SLC26A7: variants seen among roughly 807,000 people sequenced by gnomAD.
SLC26A7 encodes the protein solute carrier family 26 member 7, also known as anion exchange transporter.
Under a neutral mutation model 82.5 loss-of-function variants are expected in SLC26A7, and 59 were observed. The ratio of observed to expected loss-of-function variants is 0.72; its 90% CI spans 0.58 to 0.89. SLC26A7 has a LOEUF of 0.89. Among genes scored for constraint, SLC26A7 ranks in the 40% least tolerant of loss-of-function variants. SLC26A7 has a pLI of 0.00. For synonymous variants in SLC26A7, 271 were observed against 274.3 expected (o/e 0.99, Z 0.12); for missense variants, 820 against 793.0 (o/e 1.03, Z -0.41).
In SLC26A7 at chr8:91,366,735, A is replaced by T; in HGVS notation, c.1626+18A>T. On this transcript the variant is annotated intron_variant, in intron 14 of 18. Transcript: ENST00000276609. Reference sequence around the variant, plus strand: ...TCAGCAAGGTAGGATCAATGGTTTGATTAGAATGTCATACTACATGTAGCC... The same window carrying T: ...TCAGCAAGGTAGGATCAATGGTTTGTTTAGAATGTCATACTACATGTAGCC... 6.2e-7 allele frequency: 1 copy of T among 1,603,416 alleles called. No individual in the cohort carries two copies. The highest frequency in any genetic ancestry group is 1.1e-5 in the South Asian group (1 of 89,396).
At chr8:91,218,380 A>G (rs548952904) in intron 1 of SLC26A7, among the ~76,000 whole-genome samples, 1 of 54,460 alleles carries the variant, frequency 1.8e-5, no homozygotes, top group African/African-American at 1.1e-4. Context: ...CAAAAATTTA[A>G]TTCATGTATT....
intron 2 of SLC26A7, among the ~76,000 whole-genome samples, chr8:91,259,278 G>A (rs1810894766): frequency 6.6e-6 from 1 of 151,950 alleles, no homozygotes; most frequent in Non-Finnish European, 1.5e-5. Flanking sequence ...CCCTTTATAT[G>A]GACATGGACT....
At chr8:91,341,777 C>A (rs1363716577) in intron 8 of SLC26A7, among the ~76,000 whole-genome samples, 2 of 152,126 alleles carry the variant, frequency 1.3e-5, no homozygotes, top group Non-Finnish European at 2.9e-5. Context: ...GTCTCATACC[C>A]TTTTATACTC....
intron 11 of SLC26A7, among the ~76,000 whole-genome samples, chr8:91,360,889 T>C (rs1336424225): frequency 1.3e-5 from 2 of 152,116 alleles, no homozygotes; most frequent in Non-Finnish European, 2.9e-5. Flanking sequence ...CAGCCTTGTT[T>C]TGTATATGAT....
chr8:91,397,861 A>G lies in SLC26A7; in HGVS notation c.*2764A>G, dbSNP rs76417705. The G allele has an allele frequency of 0.046, 7,001 of 152,610 alleles. 181 individuals carry two copies. The highest frequency in any genetic ancestry group is 0.076 in the African/African-American group (3,139 of 41,556). 9.5% of individuals were successfully genotyped at this position (152,610 alleles called of 1,614,324 possible). On this transcript the variant is annotated 3_prime_UTR_variant, in exon 19 of 19. Transcript: ENST00000276609. ...AAAATATATTAGTATATTGTTGAACATACATTATGCCTTAGAAATGCACAT... is the reference window on the plus strand; with the variant it reads ...AAAATATATTAGTATATTGTTGAACGTACATTATGCCTTAGAAATGCACAT...
intron 2 of SLC26A7, among the ~76,000 whole-genome samples, chr8:91,257,920 A>C (rs1382614760): frequency 6.6e-6 from 1 of 152,090 alleles, no homozygotes; most frequent in Non-Finnish European, 1.5e-5. Context: ...GGCCTCGGGA[A>C]ACTTACAATC....
Position 91,397,457 on chromosome 8 carries a change from T to C in SLC26A7, c.*2360T>C, listed in dbSNP as rs1050367683. The C allele has an allele frequency of 2.0e-5, 3 of 152,570 alleles. No individual in the cohort carries two copies. Among genetic ancestry groups the C allele is most frequent in the Admixed American group, 1.3e-4 (2 of 15,278 alleles). 9.5% of individuals were successfully genotyped at this position (152,570 alleles called of 1,614,324 possible). A position where few individuals can be genotyped will look rare whatever the true frequency, so the allele number is the denominator to read the frequency against. On this transcript the variant is annotated 3_prime_UTR_variant, in exon 19 of 19. Coordinates refer to ENST00000276609, the MANE Select transcript of SLC26A7 (RefSeq NM_052832.4). Reference sequence around the variant, plus strand: ...TACCTTATTTTTATATATGACAAACTACTTCTATAATGCTTATTATGGTAA... The same window carrying C: ...TACCTTATTTTTATATATGACAAACCACTTCTATAATGCTTATTATGGTAA...
chr8:91,287,585 T>C (rs543984744), intron 2 of SLC26A7, among the ~76,000 whole-genome samples: 93 of 152,354 alleles, frequency 6.1e-4, no homozygotes, highest in African/African-American at 2.2e-3. Context: ...ACCACTGATT[T>C]AGTCAATCTG....
chr8:91,235,365 T>G (rs556139029), intron 2 of SLC26A7, among the ~76,000 whole-genome samples: 1 of 152,268 alleles, frequency 6.6e-6, no homozygotes, highest in South Asian at 2.1e-4. Context: ...AGGTACATTC[T>G]CACTCATATT....
At chr8:91,374,939 T>G (rs1814467582) in intron 15 of SLC26A7, among the ~76,000 whole-genome samples, 1 of 152,104 alleles carries the variant, frequency 6.6e-6, no homozygotes, top group Non-Finnish European at 1.5e-5. Flanking sequence ...TATTTAGGGG[T>G]AGTTAAATCT....
At chr8:91,394,539 A>G (rs745360660) in intron 18 of SLC26A7, 13 of 1,282,132 alleles carry the variant, frequency 1.0e-5, no homozygotes, top group Non-Finnish European at 1.3e-5. Context: ...TAGTTTTACA[A>G]CTGTTCTTAG....
chr8:91,377,029 A>G (rs534247251), intron 15 of SLC26A7, among the ~76,000 whole-genome samples: 9 of 152,230 alleles, frequency 5.9e-5, no homozygotes, highest in African/African-American at 1.9e-4. Flanking sequence ...CCCAGTCCAG[A>G]GCAGACAACT....
chr8:91,278,823 A>C (rs1811476509), intron 2 of SLC26A7, among the ~76,000 whole-genome samples: 1 of 152,022 alleles, frequency 6.6e-6, no homozygotes, highest in African/African-American at 2.4e-5. Context: ...TATAGTCATC[A>C]TAGTATACAA....
At chr8:91,227,422 G>T (rs746532291) in intron 2 of SLC26A7, among the ~76,000 whole-genome samples, 11 of 152,110 alleles carry the variant, frequency 7.2e-5, no homozygotes, top group Non-Finnish European at 1.5e-4. Flanking sequence ...TCAAACAGAA[G>T]AATATATATT....
intron 2 of SLC26A7, among the ~76,000 whole-genome samples, chr8:91,220,021 TA>T (rs1390304822): frequency 2.6e-5 from 4 of 152,132 alleles, no homozygotes; most frequent in Non-Finnish European, 5.9e-5. Context: ...GTTACCTTCC[TA>T]GCAAGGCCTT....
chr8:91,378,027 T>C (rs1168412958), intron 15 of SLC26A7, among the ~76,000 whole-genome samples: 1 of 152,224 alleles, frequency 6.6e-6, no homozygotes, highest in Non-Finnish European at 1.5e-5. Context: ...GGTTACTGCC[T>C]TATTTCTCAA....
chr8:91,282,323 G>A (rs781170351), intron 2 of SLC26A7, among the ~76,000 whole-genome samples: 5 of 152,116 alleles, frequency 3.3e-5, no homozygotes, highest in Non-Finnish European at 7.3e-5. Flanking sequence ...GAATTTCTAC[G>A]TGTTGCTGCA....
chr8:91,361,268 A>G (rs1814042804), intron 11 of SLC26A7, among the ~76,000 whole-genome samples: 1 of 152,160 alleles, frequency 6.6e-6, no homozygotes, highest in African/African-American at 2.4e-5. Flanking sequence ...CAATAACAAC[A>G]AAAAGAGCCC....
chr8:91,228,396 T>G (rs1037470542), intron 2 of SLC26A7, among the ~76,000 whole-genome samples: 2 of 152,184 alleles, frequency 1.3e-5, no homozygotes, highest in Non-Finnish European at 2.9e-5. Context: ...CACGGGCAGC[T>G]GAGAGTTCTG....
Sources: allele counts gnomAD v4.1 joint callset (sites outside exome capture counted in the v4.1 genomes callset), GRCh38; gene constraint gnomAD v4.1.1; transcripts MANE v1.5; gene names NCBI Gene and HGNC (gene_info 2026-07-23, HGNC 2026-07-21).